ZCCHC7: variants seen among roughly 807,000 people sequenced by gnomAD.
ZCCHC7 encodes the protein zinc finger CCHC domain-containing protein 7.
ZCCHC7 carries 35 observed loss-of-function variants against 52.0 expected under a neutral mutation model. The observed-to-expected ratio is 0.67, with a 90% confidence interval of 0.51 to 0.89. The LOEUF (loss-of-function observed/expected upper bound fraction) is 0.89, where lower values mean the gene tolerates loss of function less well. Ranked by LOEUF, ZCCHC7 falls within the 40% of genes least tolerant of loss-of-function variation. The pLI, the probability that ZCCHC7 is intolerant of heterozygous loss-of-function variation, is 0.00. For missense variants in ZCCHC7, 574 were observed against 649.1 expected, an observed-to-expected ratio of 0.88 and a Z score of 1.26; for synonymous variants, 217 against 221.5, an observed-to-expected ratio of 0.98 and a Z score of 0.18.
At chr9:37,345,907 GTTT>G (rs904511596) in intron 6 of ZCCHC7, among the ~76,000 whole-genome samples, 1 of 152,142 alleles carries the variant, frequency 6.6e-6, no homozygotes, top group Non-Finnish European at 1.5e-5. Flanking sequence ...TTTTGCTACA[GTTT>G]TTCATTTTAG....
intron 2 of ZCCHC7, among the ~76,000 whole-genome samples, chr9:37,246,309 A>C (rs1363122662): frequency 6.6e-6 from 1 of 152,158 alleles, no homozygotes; most frequent in Admixed American, 6.6e-5. Context: ...AGCCAAGCTC[A>C]AGAGAGAATG....
chr9:37,353,412 A>G (rs982876651), intron 7 of ZCCHC7, among the ~76,000 whole-genome samples: 3 of 152,218 alleles, frequency 2.0e-5, no homozygotes, highest in Non-Finnish European at 4.4e-5. Flanking sequence ...AATAAAAATT[A>G]TGAAGTCTGA....
At chr9:37,204,091 G>T (rs892458259) in intron 2 of ZCCHC7, among the ~76,000 whole-genome samples, 1 of 152,142 alleles carries the variant, frequency 6.6e-6, no homozygotes, top group South Asian at 2.1e-4. Context: ...TTTGTCAGCC[G>T]TGTAAATGTC....
intron 2 of ZCCHC7, among the ~76,000 whole-genome samples, chr9:37,251,521 A>G (rs1826327320): frequency 6.6e-6 from 1 of 152,176 alleles, no homozygotes; most frequent in Non-Finnish European, 1.5e-5. Context: ...GTTGAGCAGT[A>G]TCAGACATCA....
At chr9:37,248,042 A>G (rs1048801772) in intron 2 of ZCCHC7, among the ~76,000 whole-genome samples, 1 of 152,190 alleles carries the variant, frequency 6.6e-6, no homozygotes, top group African/African-American at 2.4e-5. Flanking sequence ...TTATTAGAAA[A>G]CAAAAAAAAA....
chr9:37,198,549 C>A (rs1823409096), intron 2 of ZCCHC7, among the ~76,000 whole-genome samples: 2 of 152,114 alleles, frequency 1.3e-5, no homozygotes, highest in Admixed American at 1.3e-4. Flanking sequence ...CTATTTTAGT[C>A]TTCCTCATTT....
chr9:37,290,126 C>T (rs780360868), intron 2 of ZCCHC7, among the ~76,000 whole-genome samples: 7 of 152,082 alleles, frequency 4.6e-5, no homozygotes, highest in Non-Finnish European at 1.0e-4. Flanking sequence ...TCCCACTAGA[C>T]GATAAGTTCT....
chr9:37,179,870 T>C (rs1822253856), intron 2 of ZCCHC7, among the ~76,000 whole-genome samples: 1 of 152,184 alleles, frequency 6.6e-6, no homozygotes, highest in Non-Finnish European at 1.5e-5. Context: ...AAACATATTC[T>C]TGTAGATTCT....
rs371922374 is a variant in ZCCHC7 at position 37,121,317 on chromosome 9, A to G, written c.-22+694A>G. 4.6e-5 allele frequency among the ~76,000 whole-genome samples: 7 copies of G among 152,158 alleles called. No homozygotes were observed. In the South Asian group the frequency reaches 1.4e-3, roughly 32 times the overall value. On this transcript the variant is annotated intron_variant, in intron 1 of 8. Coordinates refer to ENST00000336755, the MANE Select transcript of ZCCHC7 (RefSeq NM_032226.3). ...TCTTATTGAAGCTGAATTTAAGATT[A>G]TTTCAGATTGCACAGTTGAATTACG... is the stretch of plus-strand genomic sequence containing the variant.
At chr9:37,253,399 TA>T (rs1826425490) in intron 2 of ZCCHC7, among the ~76,000 whole-genome samples, 1 of 152,078 alleles carries the variant, frequency 6.6e-6, no homozygotes, top group African/African-American at 2.4e-5. Context: ...ATTGCTTCTT[TA>T]ATGAATCTTG....
chr9:37,299,927 T>C (rs148285449), intron 2 of ZCCHC7, among the ~76,000 whole-genome samples: 1 of 152,266 alleles, frequency 6.6e-6, no homozygotes, highest in African/African-American at 2.4e-5. Context: ...CAACCAAAAA[T>C]GGATTGAAAA....
intron 2 of ZCCHC7, among the ~76,000 whole-genome samples, chr9:37,274,033 A>G (rs1020435998): frequency 6.6e-6 from 1 of 152,086 alleles, no homozygotes; most frequent in Admixed American, 6.5e-5. Context: ...GGTACTCTTA[A>G]CCCATTTTCT....
chr9:37,259,948 A>T (rs1826785388), intron 2 of ZCCHC7, among the ~76,000 whole-genome samples: 1 of 152,216 alleles, frequency 6.6e-6, no homozygotes, highest in African/African-American at 2.4e-5. Flanking sequence ...TTTTCAACCA[A>T]ATGTGACAAT....
intron 2 of ZCCHC7, among the ~76,000 whole-genome samples, chr9:37,157,457 A>G (rs889449722): frequency 5.9e-5 from 9 of 152,140 alleles, no homozygotes; most frequent in Non-Finnish European, 1.3e-4. Flanking sequence ...GTGCCACTGC[A>G]CTGCAGCCTG....
intron 2 of ZCCHC7, among the ~76,000 whole-genome samples, chr9:37,289,745 C>A (rs1229877335): frequency 6.6e-6 from 1 of 152,186 alleles, no homozygotes; most frequent in Non-Finnish European, 1.5e-5. Flanking sequence ...TAATGGCCTA[C>A]AAAGCCCTTC....
intron 2 of ZCCHC7, among the ~76,000 whole-genome samples, chr9:37,282,319 C>T (rs962710450): frequency 1.5e-4 from 23 of 151,924 alleles, no homozygotes; most frequent in African/African-American, 5.3e-4. Context: ...AAAGTTTAAA[C>T]AAGGCCGGGC....
At chr9:37,338,919 A>C (rs1235553331) in intron 6 of ZCCHC7, among the ~76,000 whole-genome samples, 1 of 152,120 alleles carries the variant, frequency 6.6e-6, no homozygotes, top group Admixed American at 6.6e-5. Flanking sequence ...TAATCACCCG[A>C]TAGACTAGAA....
intron 2 of ZCCHC7, among the ~76,000 whole-genome samples, chr9:37,233,793 C>G (rs1235166377): frequency 1.3e-5 from 2 of 151,924 alleles, no homozygotes; most frequent in African/African-American, 2.4e-5. Flanking sequence ...GAAACCCAAA[C>G]CAAAGGAAAG....
chr9:37,331,984 A>ATTTAACTT, intron 6 of ZCCHC7, among the ~76,000 whole-genome samples: 1 of 151,774 alleles, frequency 6.6e-6, no homozygotes, highest in Middle Eastern at 3.4e-3. Context: ...TTCATAAGCT[A>ATTTAACTT]ATACATTATA....
Sources: allele counts gnomAD v4.1 joint callset (sites outside exome capture counted in the v4.1 genomes callset), GRCh38; gene constraint gnomAD v4.1.1; transcripts MANE v1.5; gene names NCBI Gene and HGNC (gene_info 2026-07-23, HGNC 2026-07-21).